The following SCN9A variants were observed in gnomAD, a reference collection of about 807,000 sequenced individuals.
The protein encoded by SCN9A is sodium channel protein type 9 subunit alpha.
A neutral mutation model predicts 187.0 loss-of-function variants in SCN9A; 131 were observed. The observed-to-expected ratio is 0.70, with a 90% CI of 0.61 to 0.81. SCN9A has a LOEUF of 0.81. Ranked by LOEUF, SCN9A falls within the 30% of genes least tolerant of loss-of-function variation. The probability of loss-of-function intolerance (pLI) is 0.00; values close to 1 mark genes in which losing one functional copy is unlikely to be tolerated. For synonymous variants in SCN9A, 809 were observed against 808.6 expected (o/e 1.00, Z -0.01); for missense variants, 2,252 against 2,396.6 (o/e 0.94, Z 1.26).
chr2:166,245,143 C>G (rs1054413629), intron 18 of SCN9A, among the ~76,000 whole-genome samples: 4 of 151,920 alleles, frequency 2.6e-5, no homozygotes, highest in African/African-American at 9.7e-5. Context: ...TAAAACTATA[C>G]TTGTTTATTA....
chr2:166,225,058 A>T (rs1694787732), intron 24 of SCN9A, among the ~76,000 whole-genome samples: 1 of 152,104 alleles, frequency 6.6e-6, no homozygotes, highest in Non-Finnish European at 1.5e-5. Context: ...AGCTGCTATT[A>T]AAAAAGGTCT....
rs1398082374 is a variant in SCN9A, at chr2:166,311,765, C to A, written c.-9G>T. The A allele has an allele frequency of 1.9e-6, 3 of 1,582,256 alleles. No homozygotes were observed. ...GGAGGCAACATTGCCATCTTTTCATCCTGTATATTTTAATTCCTCTTCAGC... is the reference window on the plus strand; with the variant it reads ...GGAGGCAACATTGCCATCTTTTCATACTGTATATTTTAATTCCTCTTCAGC... On this transcript the variant is annotated 5_prime_UTR_variant, in exon 2 of 27. Transcript: ENST00000642356.
At chr2:166,208,921 C>T (rs1009628025) in intron 24 of SCN9A, among the ~76,000 whole-genome samples, 1 of 152,184 alleles carries the variant, frequency 6.6e-6, no homozygotes, top group Non-Finnish European at 1.5e-5. Context: ...TCATTTTCAT[C>T]AAGATACCAC....
At chr2:166,339,840 T>A (rs2105278451) in intron 1 of SCN9A, among the ~76,000 whole-genome samples, 1 of 152,294 alleles carries the variant, frequency 6.6e-6, no homozygotes, top group Non-Finnish European at 1.5e-5. Flanking sequence ...ATATGGAATT[T>A]CTCCTGACAT....
At chr2:166,239,718 T>C (rs1223740403) in intron 19 of SCN9A, among the ~76,000 whole-genome samples, 5 of 152,096 alleles carry the variant, frequency 3.3e-5, no homozygotes, top group African/African-American at 1.2e-4. Flanking sequence ...ACTCAGTCCT[T>C]GAAATACAAA....
chr2:166,273,662 T>TA (rs34409542), intron 16 of SCN9A, among the ~76,000 whole-genome samples: 67 of 146,512 alleles, frequency 4.6e-4, no homozygotes, highest in East Asian at 2.4e-3. Flanking sequence ...CTCCACATTG[T>TA]AAAAAAAAAA....
chr2:166,323,913 G>A (rs1448067642), intron 1 of SCN9A, among the ~76,000 whole-genome samples: 2 of 151,244 alleles, frequency 1.3e-5, no homozygotes, highest in Non-Finnish European at 2.9e-5. Flanking sequence ...AGCAAGTAGT[G>A]TTTACTTGTT....
intron 24 of SCN9A, among the ~76,000 whole-genome samples, chr2:166,212,392 AG>A (rs1187837869): frequency 1.3e-5 from 2 of 152,242 alleles, no homozygotes; most frequent in African/African-American, 4.8e-5. Context: ...CAAGAGACAA[AG>A]TAGGTCATAA....
chr2:166,204,517 A>G (rs1693704573), intron 24 of SCN9A, 53 bp from the exon 25 acceptor site: 4 of 1,132,374 alleles, frequency 3.5e-6, no homozygotes, highest in Non-Finnish European at 3.8e-6. Flanking sequence ...CATTGTCTAC[A>G]TCTTTCTATA....
chr2:166,198,262 T>A lies in SCN9A; in HGVS notation c.*410A>T, dbSNP rs200153085. The A allele has an allele frequency of 1.3e-4, 21 of 161,824 alleles. No individual in the cohort carries two copies. The highest frequency in any genetic ancestry group is 2.2e-4 in the Non-Finnish European group (16 of 73,594). The allele number at this position is 161,824 out of a possible 1,614,324, so 10.0% of individuals were successfully genotyped here. On this transcript the variant is annotated 3_prime_UTR_variant, in exon 27 of 27. Transcript: ENST00000642356. ...TTCATTGCAAAGCCAAGGCAAATAC[T>A]TTTGTTGATTTCCAAATAATAGATA...
At chr2:166,269,661 A>G (rs1308088173) in intron 17 of SCN9A, among the ~76,000 whole-genome samples, 1 of 152,106 alleles carries the variant, frequency 6.6e-6, no homozygotes, top group Non-Finnish European at 1.5e-5. Flanking sequence ...GGAAAGTTCT[A>G]TAAGGTTCCC....
At position 166,306,936 on chromosome 2, in the gene SCN9A, A is replaced by G. The variant is rs372559804; in HGVS notation, c.377+20T>C. On this transcript the variant is annotated intron_variant, in intron 3 of 26. Coordinates refer to ENST00000642356, the MANE Select transcript of SCN9A (RefSeq NM_001365536.1). ...TACACCATAAAGTGCCACTGGATGT[A>G]ATCATTTTTAAAAGGATATGAGTGT... 7.3e-7 allele frequency: 1 copy of G among 1,376,310 alleles called. No homozygotes were observed. Among genetic ancestry groups the G allele is most frequent in the East Asian group, 2.3e-5 (1 of 43,576 alleles). 85.3% of individuals were successfully genotyped at this position (1,376,310 alleles called of 1,614,324 possible).
In SCN9A at chr2:166,328,720, A is replaced by G. The variant is rs546572548; in HGVS notation, c.-50-16914T>C. ...AGGCGCCTGTTTACATGTAAGGAAAAATGGACTCTACAAAGGTGAAAAATG... is the reference window on the plus strand; with the variant it reads ...AGGCGCCTGTTTACATGTAAGGAAAGATGGACTCTACAAAGGTGAAAAATG... On this transcript the variant is annotated intron_variant, in intron 1 of 26. Coordinates refer to ENST00000642356, the MANE Select transcript of SCN9A (RefSeq NM_001365536.1). Among the ~76,000 whole-genome samples, 35 of 152,230 alleles carry G rather than the reference A, an allele frequency of 2.3e-4. No individual in the cohort carries two copies. In the South Asian group the frequency reaches 7.0e-3, roughly 31 times the overall value.
intron 22 of SCN9A, 40 bp downstream of exon 22, chr2:166,228,651 T>G: frequency 6.8e-7 from 1 of 1,479,210 alleles, no homozygotes. Flanking sequence ...TCGTCCAATA[T>G]CTATTAAAAT....
intron 1 of SCN9A, among the ~76,000 whole-genome samples, chr2:166,333,514 G>T (rs1699557136): frequency 6.6e-6 from 1 of 152,054 alleles, no homozygotes; most frequent in South Asian, 2.1e-4. Context: ...TATAAGTCCA[G>T]CTTATTGAAC....
intron 1 of SCN9A, among the ~76,000 whole-genome samples, chr2:166,344,726 T>C (rs1699861683): frequency 1.3e-5 from 2 of 152,152 alleles, no homozygotes; most frequent in South Asian, 4.1e-4. Context: ...GAAAGCCACC[T>C]ACAATCCTTT....
intron 17 of SCN9A, among the ~76,000 whole-genome samples, chr2:166,271,716 G>C (rs1047665021): frequency 1.3e-5 from 2 of 151,912 alleles, no homozygotes; most frequent in Admixed American, 1.3e-4. Context: ...AAATTAGCTG[G>C]GTGTTGTGGC....
intron 24 of SCN9A, among the ~76,000 whole-genome samples, chr2:166,210,200 C>T (rs1694018867): frequency 1.3e-5 from 2 of 151,888 alleles, no homozygotes; most frequent in East Asian, 1.9e-4. Context: ...AGCAAACTAT[C>T]GCAAGGAAAA....
At chr2:166,293,994 G>A (rs2106505001) in intron 8 of SCN9A, among the ~76,000 whole-genome samples, 1 of 152,270 alleles carries the variant, frequency 6.6e-6, no homozygotes, top group South Asian at 2.1e-4. Flanking sequence ...TGTTGCCAGT[G>A]TACACAGAGC....
Sources: allele counts gnomAD v4.1 joint callset (sites outside exome capture counted in the v4.1 genomes callset), GRCh38; gene constraint gnomAD v4.1.1; transcripts MANE v1.5; gene names NCBI Gene and HGNC (gene_info 2026-07-23, HGNC 2026-07-21).